SCAPER: variants seen among roughly 807,000 people sequenced by gnomAD.
The protein encoded by SCAPER is S phase cyclin A-associated protein in the endoplasmic reticulum.
A neutral mutation model predicts 182.2 loss-of-function variants in SCAPER; 98 were observed. The observed-to-expected ratio is 0.54, with a 90% CI of 0.46 to 0.64. The LOEUF is 0.64. Ranked by LOEUF, SCAPER falls within the 30% of genes least tolerant of loss-of-function variation. SCAPER has a pLI of 0.00. For missense variants in SCAPER, 1,432 were observed against 1,690.0 expected, an observed-to-expected ratio of 0.85 and a Z score of 2.68; for synonymous variants, 605 against 564.6, an observed-to-expected ratio of 1.07 and a Z score of -1.01.
intron 25 of SCAPER, among the ~76,000 whole-genome samples, chr15:76,447,224 T>G (rs1190613705): frequency 6.6e-6 from 1 of 151,346 alleles, no homozygotes; most frequent in Non-Finnish European, 1.5e-5. Flanking sequence ...GTGGTGCACC[T>G]GGAGAGGGTA....
intron 29 of SCAPER, among the ~76,000 whole-genome samples, chr15:76,359,682 A>G (rs2041260937): frequency 6.6e-6 from 1 of 152,250 alleles, no homozygotes; most frequent in South Asian, 2.1e-4. Context: ...CTTCCCAGGC[A>G]GAACAGCCAA....
chr15:76,806,329 G>A (rs924550857), intron 5 of SCAPER, among the ~76,000 whole-genome samples: 2 of 152,146 alleles, frequency 1.3e-5, no homozygotes, highest in Non-Finnish European at 2.9e-5. Flanking sequence ...TGGCACTCAT[G>A]TCAAAAATCA....
intron 31 of SCAPER, 191 bp downstream of exon 31, chr15:76,351,046 T>A (rs1196612093): frequency 1.3e-5 from 6 of 475,910 alleles, no homozygotes; most frequent in African/African-American, 9.9e-5. Flanking sequence ...TCTATACATA[T>A]TTGGATGCAT....
Position 76,615,713 on chromosome 15 carries a change from G to A in SCAPER, c.2711+6051C>T, listed in dbSNP as rs576369611. On this transcript the variant is annotated intron_variant, in intron 22 of 31. Transcript: ENST00000563290. The stretch of plus-strand genomic sequence containing the variant: ...CACACACCTGTAATCCCAGCTACTC[G>A]AGAGGCAGAGGCAGGAGAATTACTT... 7.5e-4 allele frequency among the ~76,000 whole-genome samples: 113 copies of A among 151,278 alleles called. 1 individual carries two copies. The highest frequency in any genetic ancestry group is 2.2e-3 in the African/African-American group (91 of 41,176).
intron 28 of SCAPER, chr15:76,380,335 A>G (rs967387919): frequency 2.6e-5 from 4 of 152,158 alleles, no homozygotes; most frequent in African/African-American, 9.7e-5. Flanking sequence ...GCATTAACCC[A>G]AAGGAAGGGA....
chr15:76,652,337 C>CATAT lies in SCAPER; in HGVS notation c.2645+13312_2645+13315dup, dbSNP rs1376905603. ...ACACACACACACACACACACATACA[C>CATAT]ATATATACACACACACACACACACA... On this transcript the variant is annotated intron_variant, in intron 21 of 31. Transcript: ENST00000563290. Among the ~76,000 whole-genome samples the CATAT allele has an allele frequency of 3.1e-3, 42 of 13,756 alleles. 1 individual carries two copies. The highest frequency in any genetic ancestry group is 0.021 in the East Asian group (9 of 430). 9.0% of individuals were successfully genotyped at this position (13,756 alleles called of 152,430 possible).
At chr15:76,602,675 C>T (rs1271225806) in intron 22 of SCAPER, among the ~76,000 whole-genome samples, 1 of 120,838 alleles carries the variant, frequency 8.3e-6, no homozygotes, top group Non-Finnish European at 2.0e-5. Context: ...TTCCTCCTCA[C>T]TTTCTTTTCC....
chr15:76,839,732 C>T (rs2069282076), intron 5 of SCAPER, among the ~76,000 whole-genome samples: 1 of 152,144 alleles, frequency 6.6e-6, no homozygotes, highest in Non-Finnish European at 1.5e-5. Flanking sequence ...TTTTATAAAG[C>T]TTGGAATAAG....
At chr15:76,850,016 C>G (rs1342924657) in intron 4 of SCAPER, among the ~76,000 whole-genome samples, 1 of 152,102 alleles carries the variant, frequency 6.6e-6, no homozygotes, top group African/African-American at 2.4e-5. Flanking sequence ...GGAAAACCAC[C>G]CCTATGATCC....
chr15:76,591,809 C>T (rs2049133853), intron 22 of SCAPER, among the ~76,000 whole-genome samples: 1 of 152,158 alleles, frequency 6.6e-6, no homozygotes, highest in Non-Finnish European at 1.5e-5. Flanking sequence ...CCCATAATCC[C>T]AGTACTTTGG....
At chr15:76,754,448 C>T (rs1026171044) in intron 14 of SCAPER, among the ~76,000 whole-genome samples, 1 of 151,988 alleles carries the variant, frequency 6.6e-6, no homozygotes, top group Admixed American at 6.5e-5. Flanking sequence ...TAACAAATCA[C>T]ATTATTTGCA....
At position 76,402,992 on chromosome 15, in the gene SCAPER, G is replaced by A. The variant is rs140664885; in HGVS notation, c.3467+1532C>T. Among the ~76,000 whole-genome samples the A allele has an allele frequency of 3.1e-3, 476 of 152,226 alleles. 5 individuals are homozygous for A. Among genetic ancestry groups the A allele is most frequent in the African/African-American group, 0.011 (454 of 41,536 alleles). ...CACAGACTGTAAAACAATCACATAC[G>A]GAAATGCTTATATTTGTGATATTGA... On this transcript the variant is annotated intron_variant, in intron 27 of 31. Coordinates refer to ENST00000563290, the MANE Select transcript of SCAPER (RefSeq NM_020843.4).
In SCAPER at chr15:76,549,652, C is replaced by T. The variant is rs994007005; in HGVS notation, c.2838+24506G>A. 6.6e-5 allele frequency among the ~76,000 whole-genome samples: 10 copies of T among 151,696 alleles called. No individual in the cohort carries two copies. In the East Asian group the frequency reaches 9.7e-4, roughly 15 times the overall value. ...AGGAGATATACCTAATGTTAAATGA[C>T]GAGTTAATGGGTGCAGCACACCAAC... On this transcript the variant is annotated intron_variant, in intron 23 of 31. Transcript: ENST00000563290.
intron 4 of SCAPER, among the ~76,000 whole-genome samples, chr15:76,851,641 G>A (rs951172879): frequency 2.6e-5 from 4 of 152,164 alleles, no homozygotes; most frequent in African/African-American, 9.7e-5. Context: ...CAAATGTTGA[G>A]AGAGTTTATG....
Position 76,404,571 on chromosome 15 carries a change from T to C in SCAPER, c.3420A>G (p.Ala1140=). 1 of 1,613,614 alleles carries C rather than the reference T, an allele frequency of 6.2e-7. No individual in the cohort carries two copies. Among genetic ancestry groups the C allele is most frequent in the Non-Finnish European group, 8.5e-7 (1 of 1,179,768 alleles). The change falls in exon 27 of 32, where the codon GCA becomes GCG. Residue 1140 remains alanine, a synonymous_variant. Coordinates refer to ENST00000563290, the MANE Select transcript of SCAPER (RefSeq NM_020843.4). ...GTGTACACATTGCATGTAAGAGTCC[T>C]GCGGCATGCTGCAGAAATATGGCCA... ...PKMAIFLQHA[A]GLLHAMCTLC... is the part of the protein sequence containing the mutation.
intron 21 of SCAPER, among the ~76,000 whole-genome samples, chr15:76,648,481 A>G (rs1597912507): frequency 6.6e-6 from 1 of 152,202 alleles, no homozygotes; most frequent in South Asian, 2.1e-4. Context: ...AACAATGGCT[A>G]AAATTTATCC....
intron 15 of SCAPER, among the ~76,000 whole-genome samples, chr15:76,736,182 C>T (rs759866058): frequency 1.3e-5 from 2 of 152,190 alleles, no homozygotes; most frequent in Non-Finnish European, 2.9e-5. Flanking sequence ...AGCATTATGT[C>T]TAAATAAACA....
chr15:76,394,620 C>T (rs142466335), intron 27 of SCAPER, among the ~76,000 whole-genome samples: 2 of 152,196 alleles, frequency 1.3e-5, no homozygotes, highest in South Asian at 2.1e-4. Context: ...ATTCTTCACA[C>T]GACACTTGAC....
chr15:76,503,630 G>A (rs1446807687), intron 24 of SCAPER, among the ~76,000 whole-genome samples: 3 of 151,904 alleles, frequency 2.0e-5, no homozygotes, highest in Non-Finnish European at 1.5e-5. Context: ...TATTTCAACC[G>A]GTCCCATAGT....
Sources: gnomAD v4.1 joint callset for allele counts (sites outside exome capture counted in the v4.1 genomes callset) on GRCh38, gnomAD v4.1.1 for gene constraint, MANE v1.5 for transcripts, NCBI Gene and HGNC (gene_info 2026-07-23, HGNC 2026-07-21) for gene names.